The following ABLIM1 variants were observed in gnomAD, a reference collection of about 807,000 sequenced individuals.
The protein encoded by ABLIM1 is actin binding LIM protein 1, also known as actin-binding LIM protein 1.
Under a neutral mutation model 107.0 loss-of-function variants are expected in ABLIM1, and 40 were observed. The ratio of observed to expected loss-of-function variants is 0.37; its 90% confidence interval spans 0.29 to 0.49. The LOEUF is 0.49. Among genes scored for constraint, ABLIM1 ranks in the 20% least tolerant of loss-of-function variants. The pLI is 0.97. For missense variants in ABLIM1, 857 were observed against 1,008.5 expected (o/e 0.85, Z 2.04); for synonymous variants, 357 against 357.3 (o/e 1.00, Z 0.01).
chr10:114,500,861 G>A (rs1222738256), intron 6 of ABLIM1, among the ~76,000 whole-genome samples: 3 of 151,812 alleles, frequency 2.0e-5, no homozygotes, highest in Non-Finnish European at 2.9e-5. Flanking sequence ...AGTAACTGGT[G>A]CCAATCAAAG....
chr10:114,717,873 T>C (rs1364379489), intron 1 of ABLIM1, among the ~76,000 whole-genome samples: 2 of 124,612 alleles, frequency 1.6e-5, no homozygotes, highest in African/African-American at 3.1e-5. Context: ...TGTTGCATCA[T>C]GGCACTCCAG....
intron 22 of ABLIM1, 73 bp downstream of exon 22, chr10:114,437,771 C>A: frequency 7.9e-7 from 1 of 1,262,194 alleles, no homozygotes; most frequent in South Asian, 1.3e-5. Context: ...AGAAATAAAA[C>A]ATTGCTTAGG....
At chr10:114,440,230 A>G (rs1355856306) in intron 19 of ABLIM1, 141 bp from the exon 20 acceptor site, 1 of 837,228 alleles carries the variant, frequency 1.2e-6, no homozygotes, top group African/African-American at 1.7e-5. Flanking sequence ...GACTCTGCAC[A>G]TGTTATCCCA....
At chr10:114,641,878 G>GTTGTT (rs554920018) in intron 1 of ABLIM1, among the ~76,000 whole-genome samples, 43 of 151,850 alleles carry the variant, frequency 2.8e-4, no homozygotes, top group African/African-American at 8.2e-4. Flanking sequence ...TTTCCCCTAA[G>GTTGTT]TTGTTTTGTT....
intron 8 of ABLIM1, among the ~76,000 whole-genome samples, chr10:114,482,046 C>T (rs1239026421): frequency 1.3e-5 from 2 of 152,182 alleles, no homozygotes; most frequent in Non-Finnish European, 2.9e-5. Context: ...CATGCTTTAA[C>T]CTCCAAAGGC....
chr10:114,706,274 C>T (rs1199779883), intron 1 of ABLIM1, among the ~76,000 whole-genome samples: 1 of 152,186 alleles, frequency 6.6e-6, no homozygotes, highest in African/African-American at 2.4e-5. Flanking sequence ...CTTCCTAGGA[C>T]AGACTTTGTA....
chr10:114,681,429 A>G (rs1178362562), intron 1 of ABLIM1, among the ~76,000 whole-genome samples: 1 of 152,180 alleles, frequency 6.6e-6, no homozygotes, highest in African/African-American at 2.4e-5. Flanking sequence ...TTCTGACCTC[A>G]AGTGATCTGC....
rs2059650384 is a variant in ABLIM1 at position 114,437,880 on chromosome 10, G to A, written c.2187C>T (p.Asn729=). ...EMLMVTNRGR[N]KILREVDRTR... is the part of the protein sequence containing the mutation. ...TTCTGTCCACCTCTCTGAGGATTTT[G>A]TTTCGCCCTCTGTTGGTCACCATGA... is the stretch of plus-strand genomic sequence containing the variant. The change falls in exon 22 of 23, where the codon AAC becomes AAT. Residue 729 remains asparagine (N), a synonymous_variant. Coordinates refer to ENST00000533213, the MANE Select transcript of ABLIM1 (RefSeq NM_002313.7). 3.7e-6 allele frequency: 6 copies of A among 1,613,974 alleles called. No individual in the cohort carries two copies. The highest frequency in any genetic ancestry group is 1.1e-5 in the South Asian group (1 of 91,076).
At chr10:114,535,041 G>A (rs952110649) in intron 6 of ABLIM1, among the ~76,000 whole-genome samples, 2 of 152,198 alleles carry the variant, frequency 1.3e-5, no homozygotes, top group African/African-American at 4.8e-5. Flanking sequence ...AATGTGCTCT[G>A]CCCTACTGGG....
At chr10:114,788,949 T>A in the ABLIM1 span, among the ~76,000 whole-genome samples, 1 of 152,138 alleles carries the variant, frequency 6.6e-6, no homozygotes, top group Non-Finnish European at 1.5e-5. Flanking sequence ...TTGCTAAATC[T>A]GGCAACCCTT....
At chr10:114,759,800 T>C (rs570672429) in intron 1 of ABLIM1, among the ~76,000 whole-genome samples, 5 of 152,310 alleles carry the variant, frequency 3.3e-5, no homozygotes, top group Non-Finnish European at 7.3e-5. Context: ...CACTACCAGT[T>C]AGAAAGGCCA....
rs189558636 is a variant in ABLIM1, at chr10:114,492,644, C to G, written c.895-766G>C. Among the ~76,000 whole-genome samples the G allele has an allele frequency of 5.6e-3, 850 of 152,308 alleles. 6 individuals are homozygous for G. The highest frequency in any genetic ancestry group is 9.6e-3 in the Non-Finnish European group (653 of 68,032). On this transcript the variant is annotated intron_variant, in intron 6 of 22. Coordinates refer to ENST00000533213, the MANE Select transcript of ABLIM1 (RefSeq NM_002313.7). Reference sequence around the variant, plus strand: ...ACATACATGCTTGACAAGAACAAATCCTTTCGTTCACAGCCTAGCAAAAAA... The same window carrying G: ...ACATACATGCTTGACAAGAACAAATGCTTTCGTTCACAGCCTAGCAAAAAA...
intron 12 of ABLIM1, among the ~76,000 whole-genome samples, chr10:114,464,874 A>G (rs1038207643): frequency 1.3e-5 from 2 of 152,164 alleles, no homozygotes; most frequent in Non-Finnish European, 2.9e-5. Context: ...CACTGTCACC[A>G]TTAAGTTTTA....
chr10:114,704,302 C>CTCTCTCTCTCTATATATATATATATA (rs1380460034), intron 1 of ABLIM1, among the ~76,000 whole-genome samples: 1 of 43,090 alleles, frequency 2.3e-5, no homozygotes, highest in African/African-American at 8.3e-5. Context: ...CTCTCTCTCT[C>CTCTCTCTCTCTATATATATATATATA]TATATATATA....
intron 4 of ABLIM1, among the ~76,000 whole-genome samples, chr10:114,556,399 T>C (rs74813906): frequency 0.075 from 11,388 of 152,276 alleles, 706 homozygotes; most frequent in African/African-American, 0.17. Flanking sequence ...CTGCTCACTT[T>C]ATACGGGACA....
chr10:114,727,693 C>T (rs571762598), intron 1 of ABLIM1, among the ~76,000 whole-genome samples: 6 of 152,184 alleles, frequency 3.9e-5, no homozygotes, highest in Non-Finnish European at 7.3e-5. Context: ...TGATGGCCCA[C>T]GCCTGTAATC....
chr10:114,505,040 G>A lies in ABLIM1; in HGVS notation c.895-13162C>T, dbSNP rs529251742. On this transcript the variant is annotated intron_variant, in intron 6 of 22. Transcript: ENST00000533213. ...AATTCTAAAGGGGTATCTTCAGGAAGTTGGACCCCAGAGGGAGAGACCCCA... is the reference window on the plus strand; with the variant it reads ...AATTCTAAAGGGGTATCTTCAGGAAATTGGACCCCAGAGGGAGAGACCCCA... Among the ~76,000 whole-genome samples, 3 of 152,296 alleles carry A rather than the reference G, an allele frequency of 2.0e-5. No homozygotes were observed. The East Asian group carries it at 5.8e-4, about 29-fold the overall frequency.
chr10:114,699,921 C>T (rs1196809614), intron 1 of ABLIM1, among the ~76,000 whole-genome samples: 1 of 151,996 alleles, frequency 6.6e-6, no homozygotes, highest in Non-Finnish European at 1.5e-5. Context: ...AAGATGTTGC[C>T]CCAATCCATG....
chr10:114,541,184 C>G (rs1179686843), intron 6 of ABLIM1, among the ~76,000 whole-genome samples: 1 of 152,060 alleles, frequency 6.6e-6, no homozygotes, highest in Non-Finnish European at 1.5e-5. Context: ...TTCACTAGAG[C>G]CTTCAGAGAC....
Sources: gnomAD v4.1 joint callset for allele counts (sites outside exome capture counted in the v4.1 genomes callset) on GRCh38, gnomAD v4.1.1 for gene constraint, MANE v1.5 for transcripts, NCBI Gene and HGNC (gene_info 2026-07-23, HGNC 2026-07-21) for gene names.